The following TLK1 variants were observed in gnomAD, a reference collection of about 807,000 sequenced individuals.
The protein encoded by TLK1 is serine/threonine-protein kinase tousled-like 1.
Under a neutral mutation model 105.3 loss-of-function variants are expected in TLK1, and 24 were observed. That is an observed-to-expected ratio of 0.23 (90% CI 0.17 to 0.32). The LOEUF (loss-of-function observed/expected upper bound fraction) is 0.32, where lower values mean the gene tolerates loss of function less well. TLK1 is among the 10% of genes least tolerant of loss of function. TLK1 has a pLI of 1.00. For synonymous variants in TLK1, 321 were observed against 310.4 expected, an observed-to-expected ratio of 1.03 and a Z score of -0.36; for missense variants, 558 against 910.5, an observed-to-expected ratio of 0.61 and a Z score of 4.98.
chr2:171,159,850 G>A (rs914120441), intron 1 of TLK1: 1 of 157,432 alleles, frequency 6.4e-6, no homozygotes, highest in Non-Finnish European at 1.4e-5. Context: ...TATGGGAGGA[G>A]TGCGCGGGAG....
At chr2:171,180,017 C>G (rs1692898914) in intron 1 of TLK1, among the ~76,000 whole-genome samples, 1 of 151,264 alleles carries the variant, frequency 6.6e-6, no homozygotes. Context: ...ATCACTGGAA[C>G]CTGGGGGCCA....
At position 171,104,703 on chromosome 2, in the gene TLK1, T is replaced by C. The variant is rs1689841350; in HGVS notation, c.258+13036A>G. On this transcript the variant is annotated intron_variant, in intron 2 of 20. Transcript: ENST00000431350. ...CCAGGCTGGTCTCAAACTCCTGGCC[T>C]CAAGTGATCCTCCCAAAGTGCTGGG... is the stretch of plus-strand genomic sequence containing the variant. Among the ~76,000 whole-genome samples, 3 of 152,194 alleles carry C rather than the reference T, an allele frequency of 2.0e-5. No individual in the cohort carries two copies. In the South Asian group the frequency reaches 6.2e-4, roughly 31 times the overall value.
Position 170,993,284 on chromosome 2 carries a change from TCTTA to T in TLK1, c.*492_*495del, listed in dbSNP as rs1281686815. ...AACACAACTGTCACTGTCATTCAGT[TCTTA>T]CTTTGGTTTCAGCAGATTAACTGCC... On this transcript the variant is annotated 3_prime_UTR_variant, in exon 21 of 21. Coordinates refer to ENST00000431350, the MANE Select transcript of TLK1 (RefSeq NM_012290.5). 5 of 152,704 alleles carry T rather than the reference TCTTA, an allele frequency of 3.3e-5. No homozygotes were observed. 9.5% of individuals were successfully genotyped at this position (152,704 alleles called of 1,614,324 possible).
chr2:171,111,505 A>T (rs28740798), intron 2 of TLK1, among the ~76,000 whole-genome samples: 2 of 150,784 alleles, frequency 1.3e-5, no homozygotes, highest in African/African-American at 4.9e-5. Flanking sequence ...GGACTGCTTG[A>T]GCCTGGGAGG....
chr2:171,133,253 G>C (rs1392848965), intron 1 of TLK1, among the ~76,000 whole-genome samples: 3 of 152,240 alleles, frequency 2.0e-5, no homozygotes, highest in South Asian at 4.2e-4. Context: ...AGCCTAACTA[G>C]AACAGTGACA....
chr2:171,104,449 T>C (rs1370292462), intron 2 of TLK1, among the ~76,000 whole-genome samples: 1 of 151,986 alleles, frequency 6.6e-6, no homozygotes, highest in African/African-American at 2.4e-5. Flanking sequence ...CGTTCATGAA[T>C]TGGAAGAATA....
intron 1 of TLK1, among the ~76,000 whole-genome samples, chr2:171,150,655 G>A (rs1261018038): frequency 6.6e-6 from 1 of 152,220 alleles, no homozygotes; most frequent in Non-Finnish European, 1.5e-5. Flanking sequence ...TGGTTGCTAA[G>A]CTAAAGGTAT....
intron 2 of TLK1, among the ~76,000 whole-genome samples, chr2:171,109,253 G>C (rs1690060567): frequency 1.3e-5 from 2 of 152,168 alleles, no homozygotes; most frequent in Non-Finnish European, 2.9e-5. Context: ...AGGGACTGAT[G>C]TCATACAAAC....
At chr2:171,144,221 G>C (rs1691703865) in intron 1 of TLK1, among the ~76,000 whole-genome samples, 3 of 150,232 alleles carry the variant, frequency 2.0e-5, no homozygotes, top group Admixed American at 2.0e-4. Context: ...GACAAGCCAA[G>C]AACAATAGTT....
intron 3 of TLK1, among the ~76,000 whole-genome samples, chr2:171,067,136 G>A (rs545623910): frequency 6.7e-6 from 1 of 149,284 alleles, no homozygotes; most frequent in East Asian, 2.0e-4. Flanking sequence ...TGTAAATGCT[G>A]TATCACAGAA....
At chr2:171,180,878 C>A (rs562986270) in intron 1 of TLK1, among the ~76,000 whole-genome samples, 3 of 136,180 alleles carry the variant, frequency 2.2e-5, no homozygotes, top group South Asian at 4.8e-4. Context: ...GAGAAGATGA[C>A]TTTTCATGAG....
At chr2:171,155,064 T>C (rs1692182166) in intron 1 of TLK1, among the ~76,000 whole-genome samples, 1 of 152,202 alleles carries the variant, frequency 6.6e-6, no homozygotes, top group Non-Finnish European at 1.5e-5. Flanking sequence ...ATGTTCTAGT[T>C]ATACTTAATA....
At chr2:171,046,509 A>G in intron 10 of TLK1, 147 bp from the exon 11 acceptor site, 2 of 841,262 alleles carry the variant, frequency 2.4e-6, no homozygotes, top group Non-Finnish European at 3.4e-6. Flanking sequence ...ATTTGTACTT[A>G]TCCTTCAGGT....
intron 1 of TLK1, among the ~76,000 whole-genome samples, chr2:171,156,579 C>T (rs1692242978): frequency 6.6e-6 from 1 of 152,200 alleles, no homozygotes; most frequent in African/African-American, 2.4e-5. Context: ...TCTCTCTCCT[C>T]TAATATGTAA....
intron 1 of TLK1, among the ~76,000 whole-genome samples, chr2:171,166,260 G>C (rs1433588732): frequency 6.6e-6 from 1 of 152,238 alleles, no homozygotes; most frequent in Non-Finnish European, 1.5e-5. Flanking sequence ...GGGAGAGCAA[G>C]GACCCTTCTC....
At position 171,011,386 on chromosome 2, in the gene TLK1, C is replaced by T. The variant is rs768708591; in HGVS notation, c.1403G>A (p.Ser468Asn). 1 of 1,612,612 alleles carries T rather than the reference C, an allele frequency of 6.2e-7. No individual in the cohort carries two copies. The highest frequency in any genetic ancestry group is 1.7e-4 in the Middle Eastern group (1 of 6,060). The change falls in exon 14 of 21, where the codon AGT (serine) becomes AAT (asparagine). Residue 468 changes from serine to asparagine, a missense_variant. By Grantham distance (46) the Ser-to-Asn change is conservative (BLOSUM62 1). Around this residue, in one of 5 missense-constraint regions of TLK1, gnomAD observed 218 missense variants for 492.9 expected, o/e 0.44. Transcript: ENST00000431350. ...AACATACATTACCTTATACACTTCACTAAAGCCACCTCTACCAAGCAGATG... is the reference window on the plus strand; with the variant it reads ...AACATACATTACCTTATACACTTCATTAAAGCCACCTCTACCAAGCAGATG... ...LLHLLGRGGF[S>N]EVYKAFDLYE...
intron 6 of TLK1, among the ~76,000 whole-genome samples, chr2:171,055,683 G>A (rs1687468495): frequency 6.6e-6 from 1 of 151,944 alleles, no homozygotes; most frequent in Admixed American, 6.6e-5. Flanking sequence ...ACAACTCTTA[G>A]TTACTGTTGA....
At chr2:171,209,539 A>G (rs1693572844) in intron 1 of TLK1, among the ~76,000 whole-genome samples, 1 of 152,196 alleles carries the variant, frequency 6.6e-6, no homozygotes, top group Non-Finnish European at 1.5e-5. Context: ...TTTCTTTAGT[A>G]TAGTTTACAA....
At chr2:171,063,070 G>A (rs1037442550) in intron 3 of TLK1, among the ~76,000 whole-genome samples, 1 of 152,152 alleles carries the variant, frequency 6.6e-6, no homozygotes, top group African/African-American at 2.4e-5. Context: ...AATCGGCCGG[G>A]TGCAGTGACT....
Sources: gnomAD v4.1 joint callset for allele counts (sites outside exome capture counted in the v4.1 genomes callset) on GRCh38, gnomAD v4.1.1 for gene constraint, gnomAD v4.1.1 regional missense constraint, MANE v1.5 for transcripts, NCBI Gene and HGNC (gene_info 2026-07-23, HGNC 2026-07-21) for gene names.